NFYC: variants seen among roughly 807,000 people sequenced by gnomAD.
NFYC encodes the protein nuclear transcription factor Y subunit gamma, also known as CAAT box DNA-binding protein subunit C.
Under a neutral mutation model 53.1 loss-of-function variants are expected in NFYC, and 25 were observed. The observed-to-expected ratio is 0.47, with a 90% confidence interval of 0.34 to 0.66. The LOEUF (loss-of-function observed/expected upper bound fraction) is 0.66, where lower values mean the gene tolerates loss of function less well. Among genes scored for constraint, NFYC ranks in the 30% least tolerant of loss-of-function variants. The pLI is 0.01. For missense variants in NFYC, 260 were observed against 422.7 expected, an observed-to-expected ratio of 0.62 and a Z score of 3.38; for synonymous variants, 145 against 152.6, an observed-to-expected ratio of 0.95 and a Z score of 0.37.
intron 5 of NFYC, chr1:40,757,271 C>A: frequency 1.9e-6 from 1 of 527,128 alleles, no homozygotes; most frequent in South Asian, 1.4e-5. Flanking sequence ...AACCCTGGAC[C>A]CTGTGGGCTA....
At chr1:40,716,940 CAG>C (rs75699508) in intron 1 of NFYC, among the ~76,000 whole-genome samples, 31,711 of 151,816 alleles carry the variant, frequency 0.21, 3,357 homozygotes, top group African/African-American at 0.23. Context: ...AGGATAGAAA[CAG>C]AAATTTAGGA....
chr1:40,762,085 A>G (rs1317985443), intron 6 of NFYC, among the ~76,000 whole-genome samples: 2 of 152,220 alleles, frequency 1.3e-5, no homozygotes, highest in Admixed American at 1.3e-4. Context: ...AGTACATTTC[A>G]TAGGACTACA....
intron 2 of NFYC, among the ~76,000 whole-genome samples, chr1:40,744,533 T>G (rs1288026112): frequency 1.3e-5 from 2 of 152,230 alleles, no homozygotes; most frequent in African/African-American, 4.8e-5. Context: ...TGTTGACTTT[T>G]CTTTGTCTCC....
chr1:40,762,435 A>C (rs923349493), intron 6 of NFYC, among the ~76,000 whole-genome samples: 1 of 152,248 alleles, frequency 6.6e-6, no homozygotes, highest in African/African-American at 2.4e-5. Context: ...TACATGCCTA[A>C]GAAAGAGCAC....
intron 2 of NFYC, among the ~76,000 whole-genome samples, chr1:40,745,975 C>T (rs556883668): frequency 6.6e-6 from 1 of 152,240 alleles, no homozygotes; most frequent in Admixed American, 6.5e-5. Flanking sequence ...TTCCAGAGTG[C>T]TGGGATTACA....
Position 40,749,610 on chromosome 1 carries a change from C to G in NFYC, c.215C>G (p.Ala72Gly). 6.2e-7 allele frequency: 1 copy of G among 1,614,136 alleles called. No homozygotes were observed. The highest frequency in any genetic ancestry group is 2.2e-5 in the East Asian group (1 of 44,874). ...GAAGCGCCTGTACTCTTTGCCAAGGCAGCCCAGATTTTTATCACAGAGTTG... is the reference window on the plus strand; with the variant it reads ...GAAGCGCCTGTACTCTTTGCCAAGGGAGCCCAGATTTTTATCACAGAGTTG... ...SAEAPVLFAK[A>G]AQIFITELTL... is the part of the protein sequence containing the mutation. The change falls in exon 4 of 10, where the codon GCA (alanine) becomes GGA (glycine). Residue 72 changes from alanine to glycine, a missense_variant. Transcript: ENST00000447388.
chr1:40,734,422 G>T (rs1333555020), intron 1 of NFYC, among the ~76,000 whole-genome samples: 2 of 151,808 alleles, frequency 1.3e-5, no homozygotes, highest in Non-Finnish European at 2.9e-5. Flanking sequence ...GAGTGCAGTG[G>T]CATGACCTCG....
rs16865688 is a variant in NFYC at position 40,737,761 on chromosome 1, A to G, written c.-8-1075A>G. 7.6e-3 allele frequency among the ~76,000 whole-genome samples: 1,153 copies of G among 152,268 alleles called. 13 individuals are homozygous for G. Among genetic ancestry groups the G allele is most frequent in the African/African-American group, 0.027 (1,112 of 41,538 alleles). ...CAAGTAGTTTCATTTCAGGGGCTTC[A>G]TGTTACCTACACAGTTAATGGCCTC... On this transcript the variant is annotated intron_variant, in intron 1 of 9. Coordinates refer to ENST00000447388, the MANE Select transcript of NFYC (RefSeq NM_014223.5).
At chr1:40,737,489 C>T (rs556454337) in intron 1 of NFYC, among the ~76,000 whole-genome samples, 8 of 151,814 alleles carry the variant, frequency 5.3e-5, no homozygotes, top group South Asian at 2.1e-4. Flanking sequence ...CCGCCACGCC[C>T]GGCTAATTTT....
chr1:40,745,252 C>T (rs999055374), intron 2 of NFYC, among the ~76,000 whole-genome samples: 2 of 152,044 alleles, frequency 1.3e-5, no homozygotes, highest in Non-Finnish European at 2.9e-5. Context: ...AATCATGGAA[C>T]GTTCTTGTAC....
At chr1:40,739,181 A>T (rs1645209934) in intron 2 of NFYC, among the ~76,000 whole-genome samples, 1 of 152,188 alleles carries the variant, frequency 6.6e-6, no homozygotes, top group Admixed American at 6.5e-5. Flanking sequence ...TGCAGTGGAT[A>T]CTTTGACTTG....
chr1:40,761,187 A>C (rs780848839), intron 6 of NFYC, among the ~76,000 whole-genome samples: 2 of 152,230 alleles, frequency 1.3e-5, no homozygotes, highest in Non-Finnish European at 2.9e-5. Context: ...AGTTGGCAGC[A>C]TGCATTTCTT....
At chr1:40,758,868 C>T (rs1452560857) in intron 6 of NFYC, among the ~76,000 whole-genome samples, 1 of 152,208 alleles carries the variant, frequency 6.6e-6, no homozygotes, top group African/African-American at 2.4e-5. Context: ...GTACTATGAG[C>T]TCTGAATCCA....
At chr1:40,715,178 C>T (rs753506589) in intron 1 of NFYC, among the ~76,000 whole-genome samples, 20 of 151,630 alleles carry the variant, frequency 1.3e-4, no homozygotes, top group African/African-American at 1.7e-4. Flanking sequence ...CCAAGGTGGG[C>T]GGATCACTTG....
intron 7 of NFYC, among the ~76,000 whole-genome samples, chr1:40,764,463 C>T (rs1291513789): frequency 1.3e-5 from 2 of 152,174 alleles, no homozygotes; most frequent in African/African-American, 4.8e-5. Context: ...TTCATTGTTT[C>T]AGTCCTCAAC....
In NFYC at chr1:40,770,529, G is replaced by T. The variant is rs760947520; in HGVS notation, c.889-180G>T. The T allele has an allele frequency of 4.5e-6, 7 of 1,564,044 alleles. No individual in the cohort carries two copies. The highest frequency in any genetic ancestry group is 6.1e-6 in the Non-Finnish European group (7 of 1,154,042). ...CACACACCCCCCCTCACACCGGGCT[G>T]GTGCCTCCTGTGTCTGCTGCTCCCA... On this transcript the variant is annotated intron_variant, in intron 9 of 9. Transcript: ENST00000447388. The surrounding 1 kb of genome is among the most constrained non-coding windows in gnomAD (Gnocchi z 5.3).
At chr1:40,718,221 A>G (rs1283394997) in intron 1 of NFYC, among the ~76,000 whole-genome samples, 1 of 152,188 alleles carries the variant, frequency 6.6e-6, no homozygotes, top group African/African-American at 2.4e-5. Flanking sequence ...TAGTGAAGTG[A>G]TTTCATACTC....
intron 5 of NFYC, 33 bp downstream of exon 5, chr1:40,753,279 C>T: frequency 4.1e-6 from 6 of 1,467,918 alleles, no homozygotes; most frequent in Non-Finnish European, 5.7e-6. Context: ...TTGCTGCTGA[C>T]TGAAGAGCGC....
At chr1:40,703,015 C>G (rs770503315) in intron 1 of NFYC, among the ~76,000 whole-genome samples, 5 of 152,044 alleles carry the variant, frequency 3.3e-5, no homozygotes, top group Non-Finnish European at 7.4e-5. Context: ...CGGGGTTTCC[C>G]CATGTTGGCC....
Sources: allele counts gnomAD v4.1 joint callset (sites outside exome capture counted in the v4.1 genomes callset), GRCh38; gene constraint gnomAD v4.1.1; non-coding constraint Gnocchi (gnomAD v3.1); transcripts MANE v1.5; gene names NCBI Gene and HGNC (gene_info 2026-07-23, HGNC 2026-07-21).